Variants in NDST4 observed in about 807,000 individuals in gnomAD.
NDST4 encodes the protein N-deacetylase and N-sulfotransferase 4.
NDST4 carries 63 observed loss-of-function variants against 100.8 expected under a neutral mutation model. The observed-to-expected ratio is 0.62, with a 90% CI of 0.51 to 0.77. The LOEUF is 0.77. Ranked by LOEUF, NDST4 falls within the 30% of genes least tolerant of loss-of-function variation. The probability of loss-of-function intolerance (pLI) is 0.00; values close to 1 mark genes in which losing one functional copy is unlikely to be tolerated. For missense variants in NDST4, 943 were observed against 1,018.4 expected (o/e 0.93, Z 1.01); for synonymous variants, 377 against 361.8 (o/e 1.04, Z -0.48).
chr4:115,006,828 C>A (rs552113269), intron 2 of NDST4, among the ~76,000 whole-genome samples: 1 of 152,136 alleles, frequency 6.6e-6, no homozygotes, highest in South Asian at 2.1e-4. Context: ...CCAACTACAG[C>A]ACCTTGGGAA....
chr4:114,937,440 C>G lies in NDST4; in HGVS notation c.1285G>C (p.Val429Leu), dbSNP rs920229624. Reference protein sequence around the residue: ...VAPHHSGVYPVHIQLYAAWKK... With the variant: ...VAPHHSGVYPLHIQLYAAWKK... ...CAAGCTGCATACAGCTGAATGTGAACCGGGTAGACCCCTGAGTGATGTGGG... is the reference window on the plus strand; with the variant it reads ...CAAGCTGCATACAGCTGAATGTGAAGCGGGTAGACCCCTGAGTGATGTGGG... Residue 429 changes from valine to leucine, a missense_variant, in exon 5 of 14, where the codon GTT becomes CTT. Val to Leu is a conservative substitution (Grantham distance 32). Around this residue, in one of 2 missense-constraint regions of NDST4, gnomAD observed 526 missense variants for 634.1 expected, o/e 0.83. Transcript: ENST00000264363. 1.2e-6 allele frequency: 2 copies of G among 1,612,242 alleles called. No homozygotes were observed. The highest frequency in any genetic ancestry group is 2.7e-5 in the African/African-American group (2 of 74,876).
intron 6 of NDST4, among the ~76,000 whole-genome samples, chr4:114,923,959 C>T (rs547462903): frequency 7.2e-5 from 11 of 151,732 alleles, no homozygotes; most frequent in African/African-American, 2.7e-4. Context: ...TGCAATCTTA[C>T]GGATTTTTTC....
intron 2 of NDST4, among the ~76,000 whole-genome samples, chr4:114,979,320 T>G (rs1448154084): frequency 2.6e-5 from 4 of 151,232 alleles, no homozygotes; most frequent in Admixed American, 2.0e-4. Flanking sequence ...CCATGCTCTA[T>G]CTCATGTTTT....
At chr4:114,964,909 A>G (rs996692542) in intron 4 of NDST4, among the ~76,000 whole-genome samples, 2 of 150,950 alleles carry the variant, frequency 1.3e-5, no homozygotes, top group Non-Finnish European at 3.0e-5. Context: ...AGGTTCATCC[A>G]TGTTGTCACG....
intron 6 of NDST4, among the ~76,000 whole-genome samples, chr4:114,912,866 T>G (rs1725092010): frequency 6.6e-6 from 1 of 152,134 alleles, no homozygotes; most frequent in Admixed American, 6.6e-5. Context: ...CAAATTAGGA[T>G]GGATAGGTGA....
At chr4:115,070,910 G>C (rs1729062796) in intron 2 of NDST4, among the ~76,000 whole-genome samples, 1 of 152,024 alleles carries the variant, frequency 6.6e-6, no homozygotes, top group Non-Finnish European at 1.5e-5. Context: ...TTTGATGCCA[G>C]CGTGGCCAAC....
intron 4 of NDST4, among the ~76,000 whole-genome samples, chr4:114,966,209 C>T (rs1213055521): frequency 4.6e-5 from 7 of 151,946 alleles, no homozygotes; most frequent in Admixed American, 2.6e-4. Flanking sequence ...CACATGTACA[C>T]CCCCACTGCA....
At chr4:114,876,406 C>T (rs1226982675) in intron 6 of NDST4, among the ~76,000 whole-genome samples, 3 of 152,076 alleles carry the variant, frequency 2.0e-5, no homozygotes, top group Admixed American at 1.3e-4. Context: ...TGGCATTGTA[C>T]TCACATTTTT....
intron 2 of NDST4, among the ~76,000 whole-genome samples, chr4:115,065,379 G>C (rs1270381336): frequency 1.3e-5 from 2 of 152,102 alleles, no homozygotes; most frequent in East Asian, 3.9e-4. Flanking sequence ...CCAAGCCCTT[G>C]TCGTTTAAAA....
intron 6 of NDST4, among the ~76,000 whole-genome samples, chr4:114,930,577 A>G (rs1725490620): frequency 1.3e-5 from 2 of 152,290 alleles, no homozygotes; most frequent in African/African-American, 2.4e-5. Flanking sequence ...TTTATTTTAA[A>G]CACACCTAGA....
At chr4:114,834,513 CAAAAAAAA>C (rs869097688) in intron 11 of NDST4, among the ~76,000 whole-genome samples, 2 of 63,838 alleles carry the variant, frequency 3.1e-5, no homozygotes, top group South Asian at 5.6e-4. Context: ...GACTCCATCT[CAAAAAAAA>C]AAAAAAAAAA....
chr4:114,896,310 A>G lies in NDST4; in HGVS notation c.1537-25360T>C, dbSNP rs745671661. On this transcript the variant is annotated intron_variant, in intron 6 of 13. Coordinates refer to ENST00000264363, the MANE Select transcript of NDST4 (RefSeq NM_022569.3). ...TGGCCTTTTGAGTGAGGGTGAAGGT[A>G]TCATCACCTGCTGTTAAATTATTTG... Among the ~76,000 whole-genome samples, 50 of 152,056 alleles carry G rather than the reference A, an allele frequency of 3.3e-4. 1 individual carries two copies. Among genetic ancestry groups the G allele is most frequent in the Non-Finnish European group, 7.1e-4 (48 of 68,002 alleles).
chr4:114,907,114 C>T (rs1398697707), intron 6 of NDST4, among the ~76,000 whole-genome samples: 1 of 151,888 alleles, frequency 6.6e-6, no homozygotes, highest in African/African-American at 2.4e-5. Flanking sequence ...AATTATTTAC[C>T]CCTGACAATC....
intron 8 of NDST4, among the ~76,000 whole-genome samples, chr4:114,848,830 T>C (rs1327928042): frequency 6.6e-6 from 1 of 152,094 alleles, no homozygotes; most frequent in African/African-American, 2.4e-5. Flanking sequence ...GAAAACACAT[T>C]TGCTGCCCTC....
At position 114,870,969 on chromosome 4, in the gene NDST4, T is replaced by C. The variant is rs1418257690; in HGVS notation, c.1537-19A>G. The C allele has an allele frequency of 6.3e-7, 1 of 1,584,864 alleles. No homozygotes were observed. Among genetic ancestry groups the C allele is most frequent in the Admixed American group, 1.8e-5 (1 of 56,498 alleles). On this transcript the variant is annotated intron_variant, in intron 6 of 13. Transcript: ENST00000264363. The stretch of plus-strand genomic sequence containing the variant: ...TGCTGATCTGAAAGATAAATAAAAA[T>C]GACCACAAAAATATCATATGCTTAA...
chr4:115,043,546 T>C (rs759512670), intron 2 of NDST4, among the ~76,000 whole-genome samples: 9 of 151,962 alleles, frequency 5.9e-5, no homozygotes, highest in South Asian at 2.1e-4. Flanking sequence ...AGAGGCATCA[T>C]GGAGTGAGGA....
chr4:114,858,325 C>T (rs183389424), intron 7 of NDST4, among the ~76,000 whole-genome samples: 1 of 152,286 alleles, frequency 6.6e-6, no homozygotes, highest in African/African-American at 2.4e-5. Flanking sequence ...CCCTGGCTAT[C>T]ACCACTATGA....
Position 114,827,832 on chromosome 4 carries a change from A to G in NDST4, c.2603T>C (p.Leu868Pro). ...TCTCCAGTGCTATCTCACTTTCTGC[A>G]GTTCCTGTCTCAGCCACGATGGCAG... ...QPLPSWLRQELQKVR is the reference protein window; with the variant it reads ...QPLPSWLRQEPQKVR Residue 868 changes from leucine (L) to proline (P), a missense_variant, in exon 14 of 14, where the codon CTG becomes CCG. Physicochemically the swap from Leu to Pro is moderately conservative, Grantham distance 98. Coordinates refer to ENST00000264363, the MANE Select transcript of NDST4 (RefSeq NM_022569.3). 1 of 1,611,640 alleles carries G rather than the reference A, an allele frequency of 6.2e-7. No homozygotes were observed. Among genetic ancestry groups the G allele is most frequent in the Non-Finnish European group, 8.5e-7 (1 of 1,179,042 alleles).
chr4:115,034,715 C>T (rs573442520), intron 2 of NDST4, among the ~76,000 whole-genome samples: 1 of 151,998 alleles, frequency 6.6e-6, no homozygotes, highest in South Asian at 2.1e-4. Flanking sequence ...CCAAGCATGG[C>T]CCCCGCCTTG....
Sources: allele counts gnomAD v4.1 joint callset (sites outside exome capture counted in the v4.1 genomes callset), GRCh38; gene constraint gnomAD v4.1.1; regional missense constraint gnomAD v4.1.1; transcripts MANE v1.5; gene names NCBI Gene and HGNC (gene_info 2026-07-23, HGNC 2026-07-21).